Variants in NCOA3 observed in about 807,000 individuals in gnomAD.
The protein encoded by NCOA3 is nuclear receptor coactivator 3.
Under a neutral mutation model 158.8 loss-of-function variants are expected in NCOA3, and 51 were observed. That is an observed-to-expected ratio of 0.32 (90% CI 0.26 to 0.41). NCOA3 has a LOEUF of 0.41. Ranked by LOEUF, NCOA3 falls within the 10% of genes least tolerant of loss-of-function variation. NCOA3 has a pLI of 1.00. For synonymous variants in NCOA3, 537 were observed against 592.4 expected (o/e 0.91, Z 1.36); for missense variants, 1,510 against 1,746.6 (o/e 0.86, Z 2.41).
intron 2 of NCOA3, among the ~76,000 whole-genome samples, chr20:47,619,466 G>A (rs570539707): frequency 6.6e-6 from 1 of 151,686 alleles, no homozygotes; most frequent in African/African-American, 2.4e-5. Flanking sequence ...GCAACATAGT[G>A]AGACCCTGTC....
At chr20:47,561,276 AT>A (rs35951835) in intron 1 of NCOA3, among the ~76,000 whole-genome samples, 114 of 123,830 alleles carry the variant, frequency 9.2e-4, no homozygotes, top group Middle Eastern at 4.6e-3. Context: ...GGACTGGCCA[AT>A]TTTTTTTTTT....
chr20:47,626,829 G>A (rs1048276350), intron 5 of NCOA3, among the ~76,000 whole-genome samples, 173 bp from the exon 6 acceptor site: 1 of 152,078 alleles, frequency 6.6e-6, no homozygotes. Context: ...TAGGATACCA[G>A]TCATATTGGA....
At chr20:47,612,018 C>T (rs954772822) in intron 2 of NCOA3, among the ~76,000 whole-genome samples, 1 of 152,040 alleles carries the variant, frequency 6.6e-6, no homozygotes, top group African/African-American at 2.4e-5. Context: ...GTAGAGACGG[C>T]GTTTTGCCAC....
At chr20:47,575,966 A>AAT (rs1358466241) in intron 1 of NCOA3, among the ~76,000 whole-genome samples, 7 of 152,170 alleles carry the variant, frequency 4.6e-5, no homozygotes, top group African/African-American at 1.7e-4. Flanking sequence ...CTCAATGTTA[A>AAT]ATATAGAATG....
In NCOA3 at chr20:47,627,931, C is replaced by T; in HGVS notation, c.731C>T (p.Ser244Phe). The change falls in exon 8 of 23, where the codon TCT (serine) becomes TTT (phenylalanine). Residue 244 changes from serine (S) to phenylalanine (F), a missense_variant. Transcript: ENST00000371998. ...AMMEEGEDLQ[S>F]CMICVARRIT... ...GAATTTTTTATTGTAGATTTGCAAT[C>T]TTGTATGATCTGTGTGGCACGCCGC... 3 of 1,613,298 alleles carry T rather than the reference C, an allele frequency of 1.9e-6. No homozygotes were observed. Among genetic ancestry groups the T allele is most frequent in the South Asian group, 1.1e-5 (1 of 91,018 alleles).
At chr20:47,508,816 C>T (rs1018138228) in intron 1 of NCOA3, among the ~76,000 whole-genome samples, 4 of 152,200 alleles carry the variant, frequency 2.6e-5, no homozygotes, top group African/African-American at 4.8e-5. Context: ...TAGCTTGTTA[C>T]TTTGAAAAGA....
At chr20:47,569,114 A>C (rs1479231856) in intron 1 of NCOA3, among the ~76,000 whole-genome samples, 1 of 152,012 alleles carries the variant, frequency 6.6e-6, no homozygotes, top group Non-Finnish European at 1.5e-5. Flanking sequence ...CCAGGAGTTC[A>C]AGACCAGGAT....
chr20:47,638,802 T>C (rs2086557317), intron 13 of NCOA3, among the ~76,000 whole-genome samples: 1 of 142,794 alleles, frequency 7.0e-6, no homozygotes, highest in South Asian at 2.3e-4. Context: ...TTATTTGGAA[T>C]ATGAGACCCT....
rs755695360 is a variant in NCOA3, at chr20:47,639,984, A to G, written c.3013A>G (p.Asn1005Asp). ...TCCCTATGGCCAAGCAGCAGCATCTAACCAACTGGGTTCCTGGCCCGATGG... is the reference window on the plus strand; with the variant it reads ...TCCCTATGGCCAAGCAGCAGCATCTGACCAACTGGGTTCCTGGCCCGATGG... ...ANPYGQAAAS[N>D]QLGSWPDGML... Residue 1005 changes from asparagine (N) to aspartate (D), a missense_variant, in exon 16 of 23, where the codon AAC becomes GAC. Physicochemically the swap from Asn to Asp is conservative, Grantham distance 23. This residue lies in a region of NCOA3 where 1,017 missense variants were observed against 1,098.3 expected (regional missense o/e 0.93). Transcript: ENST00000371998. 3 of 1,614,120 alleles carry G rather than the reference A, an allele frequency of 1.9e-6. No homozygotes were observed. In the African/African-American group the frequency reaches 4.0e-5, roughly 22 times the overall value.
At chr20:47,634,310 G>C (rs1277961534) in intron 10 of NCOA3, 115 bp downstream of exon 10, 3 of 1,017,882 alleles carry the variant, frequency 2.9e-6, no homozygotes, top group Admixed American at 4.6e-5. Context: ...GAAGGTTATT[G>C]GGTTTGATGA....
At chr20:47,590,644 A>T (rs1418864704) in intron 2 of NCOA3, among the ~76,000 whole-genome samples, 1 of 152,218 alleles carries the variant, frequency 6.6e-6, no homozygotes, top group Non-Finnish European at 1.5e-5. Flanking sequence ...CTCTACAAAA[A>T]TAAAAAATAA....
chr20:47,640,104 A>C, intron 16 of NCOA3, 53 bp downstream of exon 16: 1 of 1,610,778 alleles, frequency 6.2e-7, no homozygotes, highest in Non-Finnish European at 8.5e-7. Flanking sequence ...GGTAGTTTAG[A>C]AAAGAGTTGG....
chr20:47,626,412 A>G (rs1295610671), intron 5 of NCOA3, among the ~76,000 whole-genome samples: 2 of 152,180 alleles, frequency 1.3e-5, no homozygotes, highest in Non-Finnish European at 2.9e-5. Context: ...TAAAGATATA[A>G]TTCTTTAAAA....
intron 1 of NCOA3, among the ~76,000 whole-genome samples, chr20:47,509,947 T>C (rs1301575188): frequency 1.3e-5 from 2 of 152,198 alleles, no homozygotes; most frequent in Non-Finnish European, 2.9e-5. Context: ...GTTGGAACAG[T>C]AGTTGACTAC....
intron 2 of NCOA3, among the ~76,000 whole-genome samples, chr20:47,603,304 A>G (rs2085893271): frequency 6.6e-6 from 1 of 152,228 alleles, no homozygotes; most frequent in African/African-American, 2.4e-5. Flanking sequence ...CCCTCACAGG[A>G]CGTGCGACAG....
chr20:47,561,315 T>A (rs1043117364), intron 1 of NCOA3, among the ~76,000 whole-genome samples: 9 of 148,322 alleles, frequency 6.1e-5, no homozygotes, highest in East Asian at 2.0e-4. Flanking sequence ...TTTTTTTTTT[T>A]AAAGCTACAC....
At chr20:47,508,182 T>C (rs192404074) in intron 1 of NCOA3, among the ~76,000 whole-genome samples, 2 of 152,340 alleles carry the variant, frequency 1.3e-5, no homozygotes, top group Admixed American at 1.3e-4. Context: ...GCCAGAAATA[T>C]ACTTCTTTCT....
At chr20:47,653,330 T>C (rs2086826481) in intron 22 of NCOA3, 76 bp from the exon 23 acceptor site, 8 of 1,522,156 alleles carry the variant, frequency 5.3e-6, no homozygotes, top group African/African-American at 1.4e-5. Context: ...AATGTGGACA[T>C]GGGTATTTTT....
At chr20:47,599,407 G>A (rs2085820715) in intron 2 of NCOA3, among the ~76,000 whole-genome samples, 1 of 151,894 alleles carries the variant, frequency 6.6e-6, no homozygotes, top group Middle Eastern at 3.4e-3. Flanking sequence ...GAGCAGGGGG[G>A]AATAACAGCT....
Sources: gnomAD v4.1 joint callset for allele counts (sites outside exome capture counted in the v4.1 genomes callset) on GRCh38, gnomAD v4.1.1 for gene constraint, gnomAD v4.1.1 regional missense constraint, MANE v1.5 for transcripts, NCBI Gene and HGNC (gene_info 2026-07-23, HGNC 2026-07-21) for gene names.